Variants in STAG1 observed in about 807,000 individuals in gnomAD.
STAG1 encodes cohesin subunit SA-1.
Under a neutral mutation model 170.9 loss-of-function variants are expected in STAG1, and 26 were observed. The observed-to-expected ratio is 0.15, with a 90% CI of 0.11 to 0.21. STAG1 has a LOEUF of 0.21. Among genes scored for constraint, STAG1 ranks in the 10% least tolerant of loss-of-function variants. STAG1 has a pLI of 1.00. For synonymous variants in STAG1, 514 were observed against 497.7 expected, an observed-to-expected ratio of 1.03 and a Z score of -0.44; for missense variants, 964 against 1,509.5, an observed-to-expected ratio of 0.64 and a Z score of 5.99.
At chr3:136,520,775 A>G (rs1229129212) in intron 7 of STAG1, among the ~76,000 whole-genome samples, 11 of 152,130 alleles carry the variant, frequency 7.2e-5, no homozygotes, top group Non-Finnish European at 4.4e-5. Context: ...AATGTTTGTT[A>G]CCCTAATGGA....
chr3:136,416,047 G>T (rs113202314), intron 21 of STAG1, among the ~76,000 whole-genome samples: 75 of 150,494 alleles, frequency 5.0e-4, no homozygotes, highest in Non-Finnish European at 3.2e-4. Context: ...CTTGCTCATC[G>T]CCCAGGCTGG....
At chr3:136,467,914 G>A (rs9849696) in intron 12 of STAG1, among the ~76,000 whole-genome samples, 27 of 152,244 alleles carry the variant, frequency 1.8e-4, no homozygotes, top group African/African-American at 6.5e-4. Flanking sequence ...TGACTAATGG[G>A]TACATAACGA....
At chr3:136,467,059 G>C (rs777272035) in intron 12 of STAG1, among the ~76,000 whole-genome samples, 1 of 152,176 alleles carries the variant, frequency 6.6e-6, no homozygotes, top group Non-Finnish European at 1.5e-5. Context: ...ATGCCAAATT[G>C]TAAAGACCAT....
At chr3:136,550,161 C>A (rs1402459044) in intron 5 of STAG1, among the ~76,000 whole-genome samples, 2 of 152,116 alleles carry the variant, frequency 1.3e-5, no homozygotes, top group East Asian at 3.9e-4. Context: ...AATGGGTTTA[C>A]AAGTGTTCCA....
intron 23 of STAG1, among the ~76,000 whole-genome samples, chr3:136,374,059 C>T (rs1184184645): frequency 6.6e-6 from 1 of 152,148 alleles, no homozygotes; most frequent in African/African-American, 2.4e-5. Context: ...GGATACTTAG[C>T]TCTTCTTGTT....
At chr3:136,512,122 G>GAAAAA (rs1934100156) in intron 7 of STAG1, among the ~76,000 whole-genome samples, 1 of 139,650 alleles carries the variant, frequency 7.2e-6, no homozygotes, top group African/African-American at 2.6e-5. Context: ...AAAAAAAAAG[G>GAAAAA]AAAGGAAAGG....
chr3:136,481,125 G>C (rs1337546623), intron 9 of STAG1, among the ~76,000 whole-genome samples: 2 of 24,624 alleles, frequency 8.1e-5, no homozygotes, highest in African/African-American at 3.2e-4. Flanking sequence ...TGTTGAATAG[G>C]AGCGGTGAGA....
At chr3:136,569,748 A>G (rs1358540655) in intron 4 of STAG1, among the ~76,000 whole-genome samples, 1 of 152,122 alleles carries the variant, frequency 6.6e-6, no homozygotes, top group East Asian at 1.9e-4. Flanking sequence ...AATAACTAGA[A>G]AATATAAATG....
intron 7 of STAG1, among the ~76,000 whole-genome samples, chr3:136,512,061 A>T (rs1039360527): frequency 2.0e-5 from 3 of 146,394 alleles, no homozygotes; most frequent in African/African-American, 7.5e-5. Flanking sequence ...TTGAGACCAG[A>T]CTAGGAAACA....
rs1576508890 is a variant in STAG1 at position 136,477,175 on chromosome 3, A to C, written c.1026+114T>G. ...ATAGTTATTCAGCTGCATCATCTTA[A>C]AATTTCCACATGATTACAACTCCTG... On this transcript the variant is annotated intron_variant, in intron 10 of 33. Coordinates refer to ENST00000383202, the MANE Select transcript of STAG1 (RefSeq NM_005862.3). 44 of 1,202,062 alleles carry C rather than the reference A, an allele frequency of 3.7e-5. No individual in the cohort carries two copies. The East Asian group carries it at 1.1e-3, about 30-fold the overall frequency. The allele number at this position is 1,202,062 out of a possible 1,614,324, so 74.5% of individuals were successfully genotyped here. A position where few individuals can be genotyped will look rare whatever the true frequency, so the allele number is the denominator to read the frequency against.
Position 136,521,433 on chromosome 3 carries a change from A to G in STAG1, c.472-16T>C, listed in dbSNP as rs1934663890. The G allele has an allele frequency of 1.2e-6, 2 of 1,608,844 alleles. No homozygotes were observed. Among genetic ancestry groups the G allele is most frequent in the East Asian group, 2.2e-5 (1 of 44,812 alleles). On this transcript the variant is annotated splice_polypyrimidine_tract_variant and intron_variant, in intron 6 of 33. Transcript: ENST00000383202. ...CACCACTGTCCTAAAAAACAGAAAAAGAACATATTAAGTATGTCACATTAC... is the reference window on the plus strand; with the variant it reads ...CACCACTGTCCTAAAAAACAGAAAAGGAACATATTAAGTATGTCACATTAC...
chr3:136,694,187 T>C (rs904537656), intron 1 of STAG1, among the ~76,000 whole-genome samples: 1 of 152,156 alleles, frequency 6.6e-6, no homozygotes, highest in African/African-American at 2.4e-5. Flanking sequence ...CTATGTAAAT[T>C]CTTTGCAAGT....
At chr3:136,586,277 T>C (rs973469548) in intron 4 of STAG1, among the ~76,000 whole-genome samples, 4 of 147,376 alleles carry the variant, frequency 2.7e-5, no homozygotes, top group African/African-American at 1.0e-4. Context: ...CACACACACA[T>C]CATAATCACA....
intron 1 of STAG1, among the ~76,000 whole-genome samples, chr3:136,672,729 T>G (rs984375527): frequency 6.6e-6 from 1 of 152,016 alleles, no homozygotes; most frequent in Non-Finnish European, 1.5e-5. Context: ...AGGGGGGAGA[T>G]CCAAGATACA....
At chr3:136,712,902 C>T (rs944385336) in intron 1 of STAG1, among the ~76,000 whole-genome samples, 5 of 152,028 alleles carry the variant, frequency 3.3e-5, no homozygotes, top group Non-Finnish European at 7.4e-5. Flanking sequence ...ACCAGCCTGG[C>T]CAACATGGCG....
At chr3:136,343,735 A>G (rs1380534521) in intron 30 of STAG1, 97 bp downstream of exon 30, 18 of 975,088 alleles carry the variant, frequency 1.8e-5, no homozygotes, top group Non-Finnish European at 2.6e-5. Flanking sequence ...TCATGAACTG[A>G]CCAGCAATAT....
chr3:136,362,714 T>C lies in STAG1; in HGVS notation c.2787+652A>G, dbSNP rs151132432. Among the ~76,000 whole-genome samples the C allele has an allele frequency of 6.5e-3, 986 of 152,026 alleles. 10 individuals carry two copies. Among genetic ancestry groups the C allele is most frequent in the African/African-American group, 0.023 (957 of 41,512 alleles). ...GAAAGAGGATTTAAAAAATATCCTC[T>C]TATTTTCTTATAAACCCTTATTTTT... On this transcript the variant is annotated intron_variant, in intron 26 of 33. Coordinates refer to ENST00000383202, the MANE Select transcript of STAG1 (RefSeq NM_005862.3).
intron 4 of STAG1, among the ~76,000 whole-genome samples, chr3:136,600,949 G>T (rs1938647731): frequency 6.6e-6 from 1 of 152,026 alleles, no homozygotes; most frequent in Non-Finnish European, 1.5e-5. Flanking sequence ...GGAGTGCAGT[G>T]GCGCAATCTT....
chr3:136,720,582 G>C (rs553795423), intron 1 of STAG1, among the ~76,000 whole-genome samples: 1 of 152,228 alleles, frequency 6.6e-6, no homozygotes, highest in East Asian at 1.9e-4. Flanking sequence ...CTGAGGTCAG[G>C]AGTTCAAGTC....
Sources: allele counts gnomAD v4.1 joint callset (sites outside exome capture counted in the v4.1 genomes callset), GRCh38; gene constraint gnomAD v4.1.1; transcripts MANE v1.5; gene names NCBI Gene and HGNC (gene_info 2026-07-23, HGNC 2026-07-21).